Variants in FEZ2 observed in about 807,000 individuals in gnomAD.
The protein encoded by FEZ2 is fasciculation and elongation protein zeta 2, also known as fasciculation and elongation protein zeta-2.
Under a neutral mutation model 40.4 loss-of-function variants are expected in FEZ2, and 51 were observed. That is an observed-to-expected ratio of 1.26 (90% CI 1.01 to 1.59). FEZ2 has a LOEUF of 1.59. Among genes scored for constraint, FEZ2 ranks in the 40% most tolerant of loss-of-function variants. The pLI, the probability that FEZ2 is intolerant of heterozygous loss-of-function variation, is 0.00. For missense variants in FEZ2, 640 were observed against 438.3 expected, an observed-to-expected ratio of 1.46 and a Z score of -4.11; for synonymous variants, 242 against 172.0, an observed-to-expected ratio of 1.41 and a Z score of -3.18.
chr2:36,587,148 T>C (rs1668925219), intron 2 of FEZ2, among the ~76,000 whole-genome samples: 1 of 152,170 alleles, frequency 6.6e-6, no homozygotes, highest in African/African-American at 2.4e-5. Flanking sequence ...TGGCACCAGA[T>C]TTAGAATAGG....
intron 1 of FEZ2, among the ~76,000 whole-genome samples, chr2:36,597,194 A>G (rs1196296663): frequency 6.6e-6 from 1 of 151,956 alleles, no homozygotes; most frequent in Non-Finnish European, 1.5e-5. Flanking sequence ...GCTGCCTCGC[A>G]CGTTGGTACT....
chr2:36,555,987 C>A (rs970780924), intron 6 of FEZ2: 1 of 627,016 alleles, frequency 1.6e-6, no homozygotes, highest in African/African-American at 1.8e-5. Context: ...CTGAGAGTTG[C>A]TTCCCTGATT....
intron 7 of FEZ2, among the ~76,000 whole-genome samples, chr2:36,554,941 T>C (rs1034249319): frequency 7.9e-5 from 12 of 152,220 alleles, no homozygotes; most frequent in Admixed American, 7.9e-4. Flanking sequence ...AAGATGCATT[T>C]TGTGATGCTT....
At chr2:36,570,592 C>G (rs895385336) in intron 5 of FEZ2, among the ~76,000 whole-genome samples, 14 of 152,168 alleles carry the variant, frequency 9.2e-5, no homozygotes, top group Non-Finnish European at 1.2e-4. Context: ...AGAAATGAGT[C>G]AGGCAACTTT....
chr2:36,571,466 T>C (rs1464164483), intron 5 of FEZ2, among the ~76,000 whole-genome samples: 3 of 148,840 alleles, frequency 2.0e-5, no homozygotes, highest in Admixed American at 6.7e-5. Flanking sequence ...TTCAAGACCA[T>C]CCTGGCCAAC....
At chr2:36,590,096 T>C (rs996975182) in intron 2 of FEZ2, 2 of 152,260 alleles carry the variant, frequency 1.3e-5, no homozygotes, top group African/African-American at 4.8e-5. Context: ...CTCACACTTC[T>C]TAGTCAAGAC....
intron 1 of FEZ2, among the ~76,000 whole-genome samples, chr2:36,596,625 C>T (rs1669231355): frequency 6.6e-6 from 1 of 152,158 alleles, no homozygotes; most frequent in South Asian, 2.1e-4. Context: ...CACCGGACTT[C>T]ACTAATTTTT....
rs1377542420 is a variant in FEZ2 at position 36,564,279 on chromosome 2, A to G, written c.904-5766T>C. 2.6e-5 allele frequency among the ~76,000 whole-genome samples: 4 copies of G among 152,144 alleles called. No individual in the cohort carries two copies. The East Asian group carries it at 7.7e-4, about 29-fold the overall frequency. On this transcript the variant is annotated intron_variant, in intron 5 of 7. Coordinates refer to ENST00000405912, the MANE Select transcript of FEZ2 (RefSeq NM_005102.3). The stretch of plus-strand genomic sequence containing the variant: ...TATGTTCCTGTCTATATTTAATATC[A>G]ATATTTCTAAAACTCATATCCAAAA...
chr2:36,555,656 T>C lies in FEZ2; in HGVS notation c.1045+27A>G, dbSNP rs1279869562. 5.7e-6 allele frequency: 8 copies of C among 1,403,066 alleles called. No individual in the cohort carries two copies. In the Admixed American group the frequency reaches 1.5e-4, roughly 26 times the overall value. The allele number at this position is 1,403,066 out of a possible 1,614,324, so 86.9% of individuals were successfully genotyped here. A position where few individuals can be genotyped will look rare whatever the true frequency, so the allele number is the denominator to read the frequency against. ...CTGACTAATCCAAACCTCCCAGCCATCGCACCTATACCATTATAAAACTCA... is the reference window on the plus strand; with the variant it reads ...CTGACTAATCCAAACCTCCCAGCCACCGCACCTATACCATTATAAAACTCA... On this transcript the variant is annotated intron_variant, in intron 7 of 7. Coordinates refer to ENST00000405912, the MANE Select transcript of FEZ2 (RefSeq NM_005102.3).
chr2:36,553,009 A>G lies in FEZ2; in HGVS notation c.*154T>C. Reference sequence around the variant, plus strand: ...CATATTTCCGTTGGTTCTATAATATAAAGAATTAGTGTAGTCAAGATCTGT... The same window carrying G: ...CATATTTCCGTTGGTTCTATAATATGAAGAATTAGTGTAGTCAAGATCTGT... On this transcript the variant is annotated 3_prime_UTR_variant, in exon 8 of 8. Coordinates refer to ENST00000405912, the MANE Select transcript of FEZ2 (RefSeq NM_005102.3). 1.7e-6 allele frequency: 1 copy of G among 593,272 alleles called. No individual in the cohort carries two copies. The highest frequency in any genetic ancestry group is 3.0e-6 in the Non-Finnish European group (1 of 331,380). 36.8% of individuals were successfully genotyped at this position (593,272 alleles called of 1,614,324 possible).
chr2:36,555,633 G>A, intron 7 of FEZ2, 50 bp downstream of exon 7: 1 of 1,008,832 alleles, frequency 9.9e-7, no homozygotes, highest in Non-Finnish European at 1.5e-6. Flanking sequence ...TGTATTTACT[G>A]ACTAATCCAA....
At chr2:36,573,208 T>C (rs1573013669) in intron 5 of FEZ2, among the ~76,000 whole-genome samples, 1 of 152,198 alleles carries the variant, frequency 6.6e-6, no homozygotes, top group East Asian at 1.9e-4. Flanking sequence ...ACCTTACATG[T>C]GACATTCAAT....
At chr2:36,558,381 G>T in intron 6 of FEZ2, 57 bp downstream of exon 6, 2 of 1,059,490 alleles carry the variant, frequency 1.9e-6, no homozygotes, top group South Asian at 1.6e-5. Flanking sequence ...CTAAAGTCAG[G>T]TGTTTACCAA....
intron 1 of FEZ2, chr2:36,594,369 G>C (rs1669152701): frequency 6.2e-6 from 1 of 162,452 alleles, no homozygotes; most frequent in Non-Finnish European, 1.3e-5. Flanking sequence ...AGCTGATAAA[G>C]ACATACCCGA....
chr2:36,589,464 T>G (rs2125241254), intron 2 of FEZ2, among the ~76,000 whole-genome samples: 1 of 152,326 alleles, frequency 6.6e-6, no homozygotes, highest in East Asian at 1.9e-4. Context: ...GAGGCTGGAT[T>G]AAGTGTCCTT....
At chr2:36,590,198 T>C (rs369017617) in intron 2 of FEZ2, 2 of 152,200 alleles carry the variant, frequency 1.3e-5, no homozygotes, top group Admixed American at 6.5e-5. Context: ...AACTAAAATA[T>C]CTTTTAAAGG....
At chr2:36,568,250 T>G (rs1668304527) in intron 5 of FEZ2, among the ~76,000 whole-genome samples, 1 of 152,074 alleles carries the variant, frequency 6.6e-6, no homozygotes, top group African/African-American at 2.4e-5. Context: ...TTTCTCAAGG[T>G]TAAAGTACCA....
intron 5 of FEZ2, among the ~76,000 whole-genome samples, chr2:36,566,854 G>T (rs374166783): frequency 6.6e-6 from 1 of 152,108 alleles, no homozygotes; most frequent in Non-Finnish European, 1.5e-5. Context: ...AACTTTAAAC[G>T]TCTTCTTATT....
intron 5 of FEZ2, among the ~76,000 whole-genome samples, chr2:36,568,254 A>AGTACCAAAGAC (rs1668304717): frequency 1.3e-5 from 2 of 152,226 alleles, no homozygotes; most frequent in Non-Finnish European, 2.9e-5. Context: ...TCAAGGTTAA[A>AGTACCAAAGAC]GTACCAAAGA....
Sources: allele counts gnomAD v4.1 joint callset (sites outside exome capture counted in the v4.1 genomes callset), GRCh38; gene constraint gnomAD v4.1.1; transcripts MANE v1.5; gene names NCBI Gene and HGNC (gene_info 2026-07-23, HGNC 2026-07-21).